PTBP2: variants seen among roughly 807,000 people sequenced by gnomAD.
The protein encoded by PTBP2 is polypyrimidine tract-binding protein 2.
A neutral mutation model predicts 61.4 loss-of-function variants in PTBP2; 13 were observed. The ratio of observed to expected loss-of-function variants is 0.21; its 90% CI spans 0.14 to 0.34. The LOEUF (loss-of-function observed/expected upper bound fraction) is 0.34, where lower values mean the gene tolerates loss of function less well. PTBP2 is among the 10% of genes least tolerant of loss of function. The pLI, the probability that PTBP2 is intolerant of heterozygous loss-of-function variation, is 1.00. For missense variants in PTBP2, 405 were observed against 642.6 expected (o/e 0.63, Z 4.00); for synonymous variants, 215 against 218.5 (o/e 0.98, Z 0.14).
chr1:96,759,704 A>G (rs184302150), intron 3 of PTBP2, among the ~76,000 whole-genome samples: 30 of 152,380 alleles, frequency 2.0e-4, no homozygotes, highest in African/African-American at 6.5e-4. Flanking sequence ...TTTCTGCTTC[A>G]TCAAAAGACA....
rs755492358 is a variant in PTBP2, at chr1:96,813,441, GT to G, written c.*38del. 1 of 1,523,030 alleles carries G rather than the reference GT, an allele frequency of 6.6e-7. No homozygotes were observed. Among genetic ancestry groups the G allele is most frequent in the Non-Finnish European group, 8.9e-7 (1 of 1,129,852 alleles). 94.3% of individuals were successfully genotyped at this position (1,523,030 alleles called of 1,614,324 possible). On this transcript the variant is annotated 3_prime_UTR_variant, in exon 14 of 14. Transcript: ENST00000674951. Reference sequence around the variant, plus strand: ...ATGAAGATTGGGGGTGAATCACATTGTTCAATGTCATCACCTATTTGACTGT... The same window carrying G: ...ATGAAGATTGGGGGTGAATCACATTGTCAATGTCATCACCTATTTGACTGT...
Position 96,814,556 on chromosome 1 carries a change from CAG to C in PTBP2, c.*1153_*1154del, listed in dbSNP as rs1178432000. 2.6e-5 allele frequency: 4 copies of C among 152,430 alleles called. No individual in the cohort carries two copies. Among genetic ancestry groups the C allele is most frequent in the Non-Finnish European group, 5.9e-5 (4 of 67,954 alleles). The allele number at this position is 152,430 out of a possible 1,614,324, so 9.4% of individuals were successfully genotyped here. On this transcript the variant is annotated 3_prime_UTR_variant, in exon 14 of 14. Transcript: ENST00000674951. ...ATCTGACTTTAATAAAAACATGGCTCAGAATCTACAGGTCAAATTAATTTGAA... is the reference window on the plus strand; with the variant it reads ...ATCTGACTTTAATAAAAACATGGCTCAATCTACAGGTCAAATTAATTTGAA...
At chr1:96,763,742 T>C (rs893215307) in intron 3 of PTBP2, among the ~76,000 whole-genome samples, 4 of 152,206 alleles carry the variant, frequency 2.6e-5, no homozygotes, top group Middle Eastern at 3.2e-3. Flanking sequence ...TTAAGCCTTG[T>C]TTTAATACAA....
chr1:96,797,909 A>G (rs1406060718), intron 8 of PTBP2, among the ~76,000 whole-genome samples: 1 of 152,008 alleles, frequency 6.6e-6, no homozygotes, highest in Non-Finnish European at 1.5e-5. Context: ...AGGGCTGACT[A>G]TACTTTAAGA....
At position 96,806,601 on chromosome 1, in the gene PTBP2, A is replaced by G. The variant is rs573965597; in HGVS notation, c.1078+149A>G. ...ATTTAAAACTCTCCATAGACACAAA[A>G]TTTGTTTTAATGCATGCTAATTTAT... On this transcript the variant is annotated intron_variant, in intron 10 of 13. Transcript: ENST00000674951. 5 of 854,588 alleles carry G rather than the reference A, an allele frequency of 5.9e-6. No homozygotes were observed. The Admixed American group carries it at 1.3e-4, about 23-fold the overall frequency. 52.9% of individuals were successfully genotyped at this position (854,588 alleles called of 1,614,324 possible). A position where few individuals can be genotyped will look rare whatever the true frequency, so the allele number is the denominator to read the frequency against.
intron 2 of PTBP2, among the ~76,000 whole-genome samples, chr1:96,741,266 T>C (rs1020408450): frequency 6.6e-6 from 1 of 152,138 alleles, no homozygotes; most frequent in Non-Finnish European, 1.5e-5. Flanking sequence ...GTTTCATTTT[T>C]GTTTTTGTTT....
chr1:96,765,001 A>G (rs1469178089), intron 3 of PTBP2, among the ~76,000 whole-genome samples: 2 of 152,246 alleles, frequency 1.3e-5, no homozygotes, highest in African/African-American at 2.4e-5. Flanking sequence ...AACAGCCAAC[A>G]GAATAGCAGA....
At chr1:96,800,411 T>A (rs1660860390) in intron 8 of PTBP2, among the ~76,000 whole-genome samples, 1 of 151,068 alleles carries the variant, frequency 6.6e-6, no homozygotes. Flanking sequence ...TTTTTTTTTT[T>A]TTTAATGTTT....
intron 13 of PTBP2, 84 bp downstream of exon 13, chr1:96,813,190 G>T (rs763043739): frequency 6.3e-5 from 97 of 1,542,560 alleles, no homozygotes; most frequent in Non-Finnish European, 8.2e-5. Context: ...AGAAATTTTT[G>T]ATTCCGGAAT....
intron 8 of PTBP2, among the ~76,000 whole-genome samples, chr1:96,798,278 C>T (rs1317453594): frequency 2.0e-5 from 3 of 148,506 alleles, no homozygotes; most frequent in East Asian, 2.0e-4. Flanking sequence ...TGGTGGTGGG[C>T]GCCTGTAATC....
intron 2 of PTBP2, among the ~76,000 whole-genome samples, chr1:96,739,361 GT>G (rs1183997347): frequency 6.6e-6 from 1 of 151,940 alleles, no homozygotes; most frequent in African/African-American, 2.4e-5. Context: ...CACTTAAATT[GT>G]TTAATTATTC....
chr1:96,781,022 A>C (rs1351989327), intron 7 of PTBP2, among the ~76,000 whole-genome samples: 1 of 151,972 alleles, frequency 6.6e-6, no homozygotes, highest in East Asian at 1.9e-4. Context: ...AGCCAGTGTT[A>C]TTCAAGATGC....
At position 96,723,685 on chromosome 1, in the gene PTBP2, G is replaced by A. The variant is rs1049879857; in HGVS notation, c.39+91G>A. ...AGCTTTTGCTTTTGAAAACTATAAC[G>A]TAGCTAACAAAACCCAAGTGTAAAA... On this transcript the variant is annotated intron_variant, in intron 2 of 13. Transcript: ENST00000674951. The A allele has an allele frequency of 3.4e-6, 4 of 1,177,294 alleles. No homozygotes were observed. In the African/African-American group the frequency reaches 4.5e-5, roughly 13 times the overall value. 72.9% of individuals were successfully genotyped at this position (1,177,294 alleles called of 1,614,324 possible). A position where few individuals can be genotyped will look rare whatever the true frequency, so the allele number is the denominator to read the frequency against.
At chr1:96,739,864 T>C (rs1652767372) in intron 2 of PTBP2, among the ~76,000 whole-genome samples, 1 of 151,860 alleles carries the variant, frequency 6.6e-6, no homozygotes, top group Non-Finnish European at 1.5e-5. Flanking sequence ...GACCTCGTGA[T>C]CCGCCTGCCT....
At chr1:96,726,960 A>G (rs898201979) in intron 2 of PTBP2, among the ~76,000 whole-genome samples, 6 of 152,174 alleles carry the variant, frequency 3.9e-5, no homozygotes, top group East Asian at 1.9e-4. Context: ...TAAATATACA[A>G]TGTTTTATCT....
chr1:96,757,454 A>G (rs1448395597), intron 3 of PTBP2, among the ~76,000 whole-genome samples: 1 of 152,230 alleles, frequency 6.6e-6, no homozygotes, highest in Non-Finnish European at 1.5e-5. Flanking sequence ...TAAGAAAAAC[A>G]TCACAGAACT....
At chr1:96,771,298 A>C (rs1233592865) in intron 5 of PTBP2, 2 of 153,644 alleles carry the variant, frequency 1.3e-5, no homozygotes, top group African/African-American at 4.8e-5. Context: ...TGATGTTTTA[A>C]AAATGTAATA....
At chr1:96,765,334 A>C (rs1656556199) in intron 3 of PTBP2, among the ~76,000 whole-genome samples, 2 of 152,206 alleles carry the variant, frequency 1.3e-5, no homozygotes, top group Non-Finnish European at 2.9e-5. Flanking sequence ...CAGAAGTATA[A>C]GGTTTTGCCG....
intron 8 of PTBP2, 63 bp downstream of exon 8, chr1:96,785,317 G>A (rs966228763): frequency 2.3e-6 from 3 of 1,287,274 alleles, no homozygotes; most frequent in Non-Finnish European, 3.1e-6. Flanking sequence ...GTACCAGTAA[G>A]TATAATGAAT....
Sources: gnomAD v4.1 joint callset for allele counts (sites outside exome capture counted in the v4.1 genomes callset) on GRCh38, gnomAD v4.1.1 for gene constraint, MANE v1.5 for transcripts, NCBI Gene and HGNC (gene_info 2026-07-23, HGNC 2026-07-21) for gene names.